Variants in KCNJ15 observed in about 807,000 individuals in gnomAD.
KCNJ15 encodes the protein potassium inwardly rectifying channel subfamily J member 15, also known as ATP-sensitive inward rectifier potassium channel 15.
A neutral mutation model predicts 23.0 loss-of-function variants in KCNJ15; 14 were observed. The ratio of observed to expected loss-of-function variants is 0.61; its 90% confidence interval spans 0.40 to 0.95. The LOEUF (loss-of-function observed/expected upper bound fraction) is 0.95. KCNJ15 is among the 40% of genes least tolerant of loss of function. KCNJ15 has a pLI of 0.00. For synonymous variants in KCNJ15, 185 were observed against 183.2 expected (o/e 1.01, Z -0.08); for missense variants, 388 against 461.8 (o/e 0.84, Z 1.46).
intron 1 of KCNJ15, chr21:38,291,650 G>A (rs1234138919): frequency 6.6e-6 from 1 of 152,196 alleles, no homozygotes; most frequent in Non-Finnish European, 1.5e-5. Flanking sequence ...TTTTCCAAGT[G>A]TAGTCTAAGG....
At chr21:38,269,511 A>G (rs1390517842) in intron 1 of KCNJ15, among the ~76,000 whole-genome samples, 8 of 152,230 alleles carry the variant, frequency 5.3e-5, no homozygotes, top group Admixed American at 1.3e-4. Context: ...AAAAATACAC[A>G]GAAACATTAA....
rs376137670 is a variant in KCNJ15 at position 38,262,683 on chromosome 21, C to CT, written c.-117+5511dup. Among the ~76,000 whole-genome samples, 1,209 of 145,890 alleles carry CT rather than the reference C, an allele frequency of 8.3e-3. 13 individuals carry two copies. Among genetic ancestry groups the CT allele is most frequent in the African/African-American group, 0.025 (1,005 of 39,968 alleles). On this transcript the variant is annotated intron_variant, in intron 1 of 2. Transcript: ENST00000398938. ...TCATAGTGACATTGACATCTGACAT[C>CT]TTTTTTTTTTTTTGAGATGGAGTCT...
At chr21:38,251,812 G>T (rs1318351660), upstream of KCNJ15, among the ~76,000 whole-genome samples, 2 of 152,200 alleles carry the variant, frequency 1.3e-5, no homozygotes, top group Non-Finnish European at 2.9e-5. Flanking sequence ...GGAAAATCAG[G>T]ATTATTGGTC....
intron 1 of KCNJ15, among the ~76,000 whole-genome samples, chr21:38,247,469 T>G (rs1298277377): frequency 7.3e-6 from 1 of 136,080 alleles, no homozygotes; most frequent in African/African-American, 2.8e-5. Flanking sequence ...TGAATGGATG[T>G]ATGGATAAAC....
upstream of KCNJ15, among the ~76,000 whole-genome samples, chr21:38,255,794 C>T (rs1214432438): frequency 6.6e-6 from 1 of 152,140 alleles, no homozygotes; most frequent in Non-Finnish European, 1.5e-5. Context: ...AATTGCAGAG[C>T]CCAGTACTCT....
chr21:38,291,432 T>G (rs1280723117), intron 1 of KCNJ15, among the ~76,000 whole-genome samples: 1 of 152,178 alleles, frequency 6.6e-6, no homozygotes, highest in Non-Finnish European at 1.5e-5. Context: ...GCCAAGACAT[T>G]ACACCCGAAT....
At chr21:38,280,720 A>G (rs1169710388) in intron 1 of KCNJ15, among the ~76,000 whole-genome samples, 1 of 152,132 alleles carries the variant, frequency 6.6e-6, no homozygotes, top group African/African-American at 2.4e-5. Flanking sequence ...GTGTTTTTTT[A>G]AAGAATGAAG....
At position 38,265,519 on chromosome 21, in the gene KCNJ15, G is replaced by T. The variant is rs543004727; in HGVS notation, c.-117+8334G>T. Reference sequence around the variant, plus strand: ...TGCTAGCCCTGTGGTTGGTAGAAATGTATATTTGATGGGTTTTTAAATCAA... The same window carrying T: ...TGCTAGCCCTGTGGTTGGTAGAAATTTATATTTGATGGGTTTTTAAATCAA... On this transcript the variant is annotated intron_variant, in intron 1 of 2. Coordinates refer to ENST00000398938, the MANE Select transcript of KCNJ15 (RefSeq NM_170736.3). Among the ~76,000 whole-genome samples the T allele has an allele frequency of 1.2e-3, 177 of 152,314 alleles. 1 individual carries two copies. Among genetic ancestry groups the T allele is most frequent in the Non-Finnish European group, 3.8e-4 (26 of 68,032 alleles).
intron 1 of KCNJ15, among the ~76,000 whole-genome samples, chr21:38,266,147 G>T (rs576543822): frequency 2.0e-5 from 3 of 152,222 alleles, no homozygotes; most frequent in Non-Finnish European, 4.4e-5. Context: ...TTGTTTGTTT[G>T]TTTATTATAC....
At chr21:38,239,679 G>T (rs560722407) in intron 1 of KCNJ15, among the ~76,000 whole-genome samples, 1 of 152,208 alleles carries the variant, frequency 6.6e-6, no homozygotes, top group Non-Finnish European at 1.5e-5. Flanking sequence ...ACGAGAAATC[G>T]TAGGTCTGCC....
intron 1 of KCNJ15, chr21:38,268,935 A>G (rs536359057): frequency 1.3e-5 from 2 of 152,200 alleles, no homozygotes; most frequent in Non-Finnish European, 2.9e-5. Context: ...GCAGCTGGTG[A>G]AGGAAAGGTT....
chr21:38,291,185 C>T (rs541813400), intron 1 of KCNJ15, among the ~76,000 whole-genome samples: 1 of 152,100 alleles, frequency 6.6e-6, no homozygotes, highest in Non-Finnish European at 1.5e-5. Flanking sequence ...AGTATTTAAC[C>T]ACAAATTCCT....
chr21:38,252,618 G>C (rs775685104), upstream of KCNJ15, among the ~76,000 whole-genome samples: 1 of 152,092 alleles, frequency 6.6e-6, no homozygotes. Context: ...ATAAAATCTC[G>C]TGCATCTTAA....
At chr21:38,241,786 G>A (rs927328578) in intron 1 of KCNJ15, among the ~76,000 whole-genome samples, 1 of 151,910 alleles carries the variant, frequency 6.6e-6, no homozygotes, top group African/African-American at 2.4e-5. Flanking sequence ...GGGCAACATG[G>A]TGAAACCCCG....
At chr21:38,261,109 G>A (rs1980843394) in intron 1 of KCNJ15, among the ~76,000 whole-genome samples, 1 of 152,148 alleles carries the variant, frequency 6.6e-6, no homozygotes, top group African/African-American at 2.4e-5. Flanking sequence ...TTCTTAGGGT[G>A]CTCTGAGGAC....
At chr21:38,251,601 G>C (rs1979839467) in intron 1 of KCNJ15, among the ~76,000 whole-genome samples, 3 of 152,204 alleles carry the variant, frequency 2.0e-5, no homozygotes, top group Non-Finnish European at 2.9e-5. Context: ...TGGCAAATGT[G>C]CACTCAGTGC....
chr21:38,236,452 G>C (rs746513650), intron 1 of KCNJ15, among the ~76,000 whole-genome samples: 2 of 152,164 alleles, frequency 1.3e-5, no homozygotes, highest in Admixed American at 6.5e-5. Flanking sequence ...TGCATATCTA[G>C]TACTTTGCTA....
intron 1 of KCNJ15, among the ~76,000 whole-genome samples, chr21:38,275,897 G>T (rs1012998548): frequency 1.3e-5 from 2 of 151,936 alleles, no homozygotes; most frequent in African/African-American, 4.8e-5. Context: ...GATTTTTCCA[G>T]TTAGAAGGAA....
At chr21:38,275,155 A>T (rs1836119903) in intron 1 of KCNJ15, among the ~76,000 whole-genome samples, 1 of 152,092 alleles carries the variant, frequency 6.6e-6, no homozygotes, top group African/African-American at 2.4e-5. Flanking sequence ...CTGGTGGCAA[A>T]CCAACGTGGT....
Sources: allele counts gnomAD v4.1 joint callset (sites outside exome capture counted in the v4.1 genomes callset), GRCh38; gene constraint gnomAD v4.1.1; transcripts MANE v1.5; gene names NCBI Gene and HGNC (gene_info 2026-07-23, HGNC 2026-07-21).